Variants in COL5A1 observed in about 807,000 individuals in gnomAD.
COL5A1 encodes the protein collagen alpha-1(V) chain.
Under a neutral mutation model 263.7 loss-of-function variants are expected in COL5A1, and 16 were observed. The ratio of observed to expected loss-of-function variants is 0.06; its 90% CI spans 0.04 to 0.09. The LOEUF is 0.09. Ranked by LOEUF, COL5A1 falls within the 10% of genes least tolerant of loss-of-function variation. The probability of loss-of-function intolerance (pLI) is 1.00; values close to 1 mark genes in which losing one functional copy is unlikely to be tolerated. For synonymous variants in COL5A1, 1,012 were observed against 1,004.5 expected (o/e 1.01, Z -0.14); for missense variants, 2,036 against 2,540.5 (o/e 0.80, Z 4.27).
chr9:134,797,596 C>T (rs973919921), intron 36 of COL5A1, among the ~76,000 whole-genome samples: 1 of 152,216 alleles, frequency 6.6e-6, no homozygotes, highest in Non-Finnish European at 1.5e-5. Flanking sequence ...CATTCTCCTG[C>T]CTCAGCCTCC....
intron 18 of COL5A1, among the ~76,000 whole-genome samples, chr9:134,759,419 ACT>A (rs1017030191): frequency 6.7e-5 from 9 of 134,020 alleles, no homozygotes; most frequent in Middle Eastern, 4.0e-3. Flanking sequence ...ACACACCCAC[ACT>A]CATACACACA....
chr9:134,816,751 A>C (rs887615745), intron 52 of COL5A1, among the ~76,000 whole-genome samples: 1 of 152,142 alleles, frequency 6.6e-6, no homozygotes, highest in Non-Finnish European at 1.5e-5. Flanking sequence ...TGTGGTGGGG[A>C]CCGAACCGTC....
chr9:134,713,039 C>A (rs999724561), intron 4 of COL5A1, among the ~76,000 whole-genome samples: 1 of 152,234 alleles, frequency 6.6e-6, no homozygotes, highest in Non-Finnish European at 1.5e-5. Context: ...CTCTCCAGAG[C>A]CCTGGCTGCC....
intron 1 of COL5A1, among the ~76,000 whole-genome samples, chr9:134,656,694 C>T (rs1341915129): frequency 6.6e-6 from 1 of 151,862 alleles, no homozygotes; most frequent in African/African-American, 2.4e-5. Flanking sequence ...TCATATAATT[C>T]TTATTAGAGA....
At chr9:134,690,137 G>C (rs140796019) in intron 1 of COL5A1, among the ~76,000 whole-genome samples, 6 of 152,148 alleles carry the variant, frequency 3.9e-5, no homozygotes, top group Non-Finnish European at 4.4e-5. Context: ...CCTTCCCTGA[G>C]AGCCCCTGGA....
chr9:134,821,682 C>G lies in COL5A1; in HGVS notation c.4555-415C>G, dbSNP rs1301723631. ...CATGGATGGGACTCCCTGCCCAACC[C>G]CTCCGGGCTTAGTTCTAGAGGGGAG... On this transcript the variant is annotated intron_variant, in intron 58 of 65. Transcript: ENST00000371817. The surrounding 1 kb of genome is among the most constrained non-coding windows in gnomAD (Gnocchi z 4.2). Among the ~76,000 whole-genome samples, 1 of 152,216 alleles carries G rather than the reference C, an allele frequency of 6.6e-6. No individual in the cohort carries two copies. The highest frequency in any genetic ancestry group is 1.5e-5 in the Non-Finnish European group (1 of 68,046).
At chr9:134,798,222 G>A (rs1467290621) in intron 36 of COL5A1, among the ~76,000 whole-genome samples, 186 bp from the exon 37 acceptor site, 2 of 152,222 alleles carry the variant, frequency 1.3e-5, no homozygotes, top group African/African-American at 4.8e-5. Flanking sequence ...ACGAGGACAG[G>A]CAGGAGCCAA....
chr9:134,751,804 G>A (rs952074725), intron 13 of COL5A1, among the ~76,000 whole-genome samples: 22 of 152,350 alleles, frequency 1.4e-4, no homozygotes, highest in African/African-American at 5.1e-4. Flanking sequence ...ACAGGACAGT[G>A]TAAGCACAGA....
At chr9:134,718,215 C>T (rs1015004206) in intron 4 of COL5A1, among the ~76,000 whole-genome samples, 1 of 152,228 alleles carries the variant, frequency 6.6e-6, no homozygotes, top group Non-Finnish European at 1.5e-5. Flanking sequence ...CCAAGGACAA[C>T]ATGCTCCCGC....
At chr9:134,727,535 C>T (rs1834706265) in intron 5 of COL5A1, 138 bp downstream of exon 5, 4 of 928,898 alleles carry the variant, frequency 4.3e-6, no homozygotes, top group East Asian at 5.2e-5. Context: ...AGGAGGTAAA[C>T]ATTGGGATAT....
intron 1 of COL5A1, among the ~76,000 whole-genome samples, chr9:134,645,862 C>A (rs1420185622): frequency 6.6e-6 from 1 of 152,224 alleles, no homozygotes; most frequent in African/African-American, 2.4e-5. Context: ...CCTGGGGGCC[C>A]AGTCCAAACA....
chr9:134,780,152 T>C lies in COL5A1; in HGVS notation c.2430+6T>C. The C allele has an allele frequency of 6.2e-7, 1 of 1,613,184 alleles. No homozygotes were observed. The highest frequency in any genetic ancestry group is 8.5e-7 in the Non-Finnish European group (1 of 1,179,990). On this transcript the variant is annotated splice_donor_region_variant and intron_variant, in intron 28 of 65. Coordinates refer to ENST00000371817, the MANE Select transcript of COL5A1 (RefSeq NM_000093.5). ...AGGGCACAAAGGGCGAGAAGGTAAG[T>C]CTCTCCTTGCAGCCACGGGGCCCCC...
At chr9:134,837,782 C>A (rs1839897228) in intron 65 of COL5A1, among the ~76,000 whole-genome samples, 1 of 152,096 alleles carries the variant, frequency 6.6e-6, no homozygotes. Context: ...CCTCCAGAAA[C>A]ACTCCCCACG....
At chr9:134,798,346 T>C (rs1564466105) in intron 36 of COL5A1, 62 bp from the exon 37 acceptor site, 1 of 1,496,322 alleles carries the variant, frequency 6.7e-7, no homozygotes, top group East Asian at 2.3e-5. Context: ...GTGGCATTAA[T>C]TCTCAAAGGT....
intron 4 of COL5A1, among the ~76,000 whole-genome samples, chr9:134,705,525 C>A (rs1833810170): frequency 6.6e-6 from 1 of 152,254 alleles, no homozygotes; most frequent in South Asian, 2.1e-4. Context: ...GCAGGTCCCC[C>A]CAGCCTTGGA....
At chr9:134,759,679 CCCACACTCATACACATAT>C in intron 18 of COL5A1, among the ~76,000 whole-genome samples, 1 of 113,174 alleles carries the variant, frequency 8.8e-6, no homozygotes, top group African/African-American at 4.5e-5. Flanking sequence ...CCCCCACACC[CCCACACTCATACACATAT>C]GCACACATGC....
At chr9:134,837,134 T>G (rs879275705) in intron 65 of COL5A1, among the ~76,000 whole-genome samples, 3 of 152,186 alleles carry the variant, frequency 2.0e-5, no homozygotes, top group Non-Finnish European at 4.4e-5. Context: ...TGTGAATATT[T>G]TTAGATAACA....
chr9:134,719,345 ACAT>A (rs1174467748), intron 4 of COL5A1, among the ~76,000 whole-genome samples: 1 of 152,202 alleles, frequency 6.6e-6, no homozygotes, highest in Admixed American at 6.5e-5. Flanking sequence ...TGAATGCAAA[ACAT>A]ATGTGCACAG....
Position 134,758,116 on chromosome 9 carries a change from T to C in COL5A1, c.1882-127T>C. On this transcript the variant is annotated intron_variant, in intron 17 of 65. Transcript: ENST00000371817. This position sits in a 1 kb window ranked among gnomAD's most constrained non-coding sequence, Gnocchi z 4.1. Reference sequence around the variant, plus strand: ...ATGGGGAGAGGGCTGGCCGATGGGGTTCAGGGTGCATAGATGCTGTGTGAA... The same window carrying C: ...ATGGGGAGAGGGCTGGCCGATGGGGCTCAGGGTGCATAGATGCTGTGTGAA... 1 of 911,032 alleles carries C rather than the reference T, an allele frequency of 1.1e-6. No individual in the cohort carries two copies. Among genetic ancestry groups the C allele is most frequent in the Non-Finnish European group, 1.8e-6 (1 of 552,528 alleles). The allele number at this position is 911,032 out of a possible 1,614,324, so 56.4% of individuals were successfully genotyped here. A position where few individuals can be genotyped will look rare whatever the true frequency, so the allele number is the denominator to read the frequency against.
Sources: allele counts gnomAD v4.1 joint callset (sites outside exome capture counted in the v4.1 genomes callset), GRCh38; gene constraint gnomAD v4.1.1; non-coding constraint Gnocchi (gnomAD v3.1); transcripts MANE v1.5; gene names NCBI Gene and HGNC (gene_info 2026-07-23, HGNC 2026-07-21).